The following DRC1 variants were observed in gnomAD, a reference collection of about 807,000 sequenced individuals.
DRC1 encodes dynein regulatory complex subunit 1, also known as dynein regulatory complex protein 1.
A neutral mutation model predicts 98.7 loss-of-function variants in DRC1; 74 were observed. That is an observed-to-expected ratio of 0.75 (90% CI 0.62 to 0.91). The LOEUF is 0.91. Among genes scored for constraint, DRC1 ranks in the 40% least tolerant of loss-of-function variants. DRC1 has a pLI of 0.00. For synonymous variants in DRC1, 336 were observed against 334.1 expected (o/e 1.01, Z -0.06); for missense variants, 875 against 886.0 (o/e 0.99, Z 0.16).
intron 1 of DRC1, among the ~76,000 whole-genome samples, chr2:26,409,808 T>G (rs1226420912): frequency 6.6e-6 from 1 of 152,204 alleles, no homozygotes; most frequent in Non-Finnish European, 1.5e-5. Context: ...GTTTTAATTT[T>G]TTCATAGGCT....
At chr2:26,435,722 T>G (rs1385650197) in intron 7 of DRC1, among the ~76,000 whole-genome samples, 1 of 152,196 alleles carries the variant, frequency 6.6e-6, no homozygotes, top group Non-Finnish European at 1.5e-5. Flanking sequence ...CAGCTCCAAT[T>G]ATGTTGCTGC....
intron 1 of DRC1, among the ~76,000 whole-genome samples, chr2:26,404,980 A>C (rs182916304): frequency 3.3e-5 from 5 of 152,294 alleles, no homozygotes; most frequent in Admixed American, 2.6e-4. Flanking sequence ...AGCCCTCCTG[A>C]GTAGATGACC....
chr2:26,433,903 A>G (rs1425625872), intron 7 of DRC1, among the ~76,000 whole-genome samples: 2 of 152,256 alleles, frequency 1.3e-5, no homozygotes, highest in South Asian at 2.1e-4. Flanking sequence ...GGCTACCTGT[A>G]CCACTTTCCA....
chr2:26,437,472 G>A (rs575478511), intron 7 of DRC1, among the ~76,000 whole-genome samples: 34 of 152,366 alleles, frequency 2.2e-4, no homozygotes, highest in African/African-American at 7.9e-4. Context: ...GAGCTGCAGG[G>A]TCTGCCCGGC....
chr2:26,456,356 G>A (rs920741909), intron 16 of DRC1, 105 bp from the exon 17 acceptor site: 35 of 1,405,444 alleles, frequency 2.5e-5, no homozygotes, highest in Non-Finnish European at 3.3e-5. Flanking sequence ...GAGGAGATGC[G>A]TGCAGGGCTT....
intron 9 of DRC1, among the ~76,000 whole-genome samples, 153 bp from the exon 10 acceptor site, chr2:26,444,563 A>C (rs1446905587): frequency 6.6e-6 from 1 of 152,102 alleles, no homozygotes; most frequent in African/African-American, 2.4e-5. Flanking sequence ...GATGGCTTCC[A>C]GTTTATCGTA....
chr2:26,441,852 C>A (rs886709948), intron 8 of DRC1, among the ~76,000 whole-genome samples: 1 of 152,170 alleles, frequency 6.6e-6, no homozygotes, highest in African/African-American at 2.4e-5. Flanking sequence ...TTCAACGGAC[C>A]CTGCTGTTTC....
intron 10 of DRC1, 97 bp downstream of exon 10, chr2:26,445,045 G>A (rs1663818726): frequency 1.6e-6 from 2 of 1,264,172 alleles, no homozygotes; most frequent in East Asian, 2.5e-5. Context: ...GGGAGGAGGG[G>A]GAAGAGTATG....
chr2:26,429,864 CT>C, intron 5 of DRC1, 99 bp downstream of exon 5: 2 of 1,275,354 alleles, frequency 1.6e-6, no homozygotes, highest in Non-Finnish European at 2.2e-6. Context: ...TACATGACTT[CT>C]CTGTCCGCTG....
rs1663134267 is a variant in DRC1 at position 26,421,272 on chromosome 2, A to G, written c.244-16A>G. On this transcript the variant is annotated splice_polypyrimidine_tract_variant and intron_variant, in intron 2 of 16. Transcript: ENST00000288710. Reference sequence around the variant, plus strand: ...AAGTGTTCTAGCTTTGTAAATTCTTATATCTCTCTTTTTAGAAATTGGCTA... The same window carrying G: ...AAGTGTTCTAGCTTTGTAAATTCTTGTATCTCTCTTTTTAGAAATTGGCTA... 5.0e-6 allele frequency: 8 copies of G among 1,608,794 alleles called. No individual in the cohort carries two copies. The highest frequency in any genetic ancestry group is 1.3e-5 in the African/African-American group (1 of 74,666).
At chr2:26,431,819 A>G (rs1244539679) in intron 6 of DRC1, 65 bp from the exon 7 acceptor site, 1 of 1,598,214 alleles carries the variant, frequency 6.3e-7, no homozygotes, top group South Asian at 1.1e-5. Flanking sequence ...TGGGCAGGCC[A>G]TCCGAAGGAT....
At chr2:26,434,345 C>A in intron 7 of DRC1, among the ~76,000 whole-genome samples, 1 of 152,118 alleles carries the variant, frequency 6.6e-6, no homozygotes, top group Non-Finnish European at 1.5e-5. Flanking sequence ...TGCCCACCAC[C>A]CTAAAAGAAA....
intron 2 of DRC1, among the ~76,000 whole-genome samples, chr2:26,418,573 ATT>A (rs1362474511): frequency 2.9e-5 from 3 of 102,006 alleles, no homozygotes; most frequent in Admixed American, 1.4e-4. Context: ...TATAATATAT[ATT>A]ATATATAAAT....
chr2:26,456,452 C>G lies in DRC1; in HGVS notation c.2167-9C>G, dbSNP rs1010500246. 3 of 1,614,126 alleles carry G rather than the reference C, an allele frequency of 1.9e-6. No homozygotes were observed. Among genetic ancestry groups the G allele is most frequent in the East Asian group, 4.5e-5 (2 of 44,882 alleles). On this transcript the variant is annotated splice_polypyrimidine_tract_variant and intron_variant, in intron 16 of 16. Coordinates refer to ENST00000288710, the MANE Select transcript of DRC1 (RefSeq NM_145038.5). ...AAAAATGTAACGACTTTCACCCTTT[C>G]TTTTCCAGATCAACTCTGAACTGCA...
At chr2:26,421,807 G>A (rs1381846595) in intron 3 of DRC1, among the ~76,000 whole-genome samples, 1 of 152,008 alleles carries the variant, frequency 6.6e-6, no homozygotes, top group Non-Finnish European at 1.5e-5. Flanking sequence ...TGATCCACCC[G>A]CCTTGGCCTC....
In DRC1 at chr2:26,429,732, G is replaced by T; in HGVS notation, c.645G>T (p.Met215Ile). ...TGGAAGAACAGGTGAAGAATGTGAT[G>T]AAAACCTTTCGTGAGGAGCTCTATA... ...ERMEEQVKNV[M>I]KTFREELYNI... The change falls in exon 5 of 17, where the codon ATG becomes ATT. Residue 215 changes from methionine (M) to isoleucine (I), a missense_variant. Met to Ile is a conservative substitution (Grantham distance 10). Transcript: ENST00000288710. 1 of 1,614,132 alleles carries T rather than the reference G, an allele frequency of 6.2e-7. No individual in the cohort carries two copies. Among genetic ancestry groups the T allele is most frequent in the Non-Finnish European group, 8.5e-7 (1 of 1,180,000 alleles).
At chr2:26,414,527 T>C (rs1678730839) in intron 2 of DRC1, 96 bp downstream of exon 2, 1 of 1,159,474 alleles carries the variant, frequency 8.6e-7, no homozygotes, top group African/African-American at 1.5e-5. Context: ...ATGTGGTCCA[T>C]GTTGCTGTCT....
Position 26,454,510 on chromosome 2 carries a change from C to T in DRC1, c.1920-137C>T. 2 of 1,285,430 alleles carry T rather than the reference C, an allele frequency of 1.6e-6. No individual in the cohort carries two copies. Among genetic ancestry groups the T allele is most frequent in the Non-Finnish European group, 2.1e-6 (2 of 931,484 alleles). The allele number at this position is 1,285,430 out of a possible 1,614,324, so 79.6% of individuals were successfully genotyped here. A position where few individuals can be genotyped will look rare whatever the true frequency, so the allele number is the denominator to read the frequency against. On this transcript the variant is annotated intron_variant, in intron 14 of 16. Coordinates refer to ENST00000288710, the MANE Select transcript of DRC1 (RefSeq NM_145038.5). This position sits in a 1 kb window ranked among gnomAD's most constrained non-coding sequence, Gnocchi z 5.2. ...AATAAGCATGCGTCCTTTCTGAGAA[C>T]CTGCCACCGTCTAATAAACTTGGAC...
chr2:26,439,936 T>TATACACAC (rs548209014), intron 7 of DRC1, among the ~76,000 whole-genome samples: 35 of 75,502 alleles, frequency 4.6e-4, no homozygotes, highest in Non-Finnish European at 6.7e-4. Context: ...TATATATATA[T>TATACACAC]ACACACACAC....
Sources: gnomAD v4.1 joint callset for allele counts (sites outside exome capture counted in the v4.1 genomes callset) on GRCh38, gnomAD v4.1.1 for gene constraint, Gnocchi (gnomAD v3.1) non-coding constraint, MANE v1.5 for transcripts, NCBI Gene and HGNC (gene_info 2026-07-23, HGNC 2026-07-21) for gene names.